RPL3L: variants seen among roughly 807,000 people sequenced by gnomAD.
RPL3L encodes the protein ribosomal protein L3 like.
In RPL3L, 44 loss-of-function variants were observed where a neutral mutation model predicts 44.5. The observed-to-expected ratio is 0.99, with a 90% CI of 0.78 to 1.27. RPL3L has a LOEUF of 1.27. RPL3L is among the 50% of genes most tolerant of loss of function. The pLI, the probability that RPL3L is intolerant of heterozygous loss-of-function variation, is 0.00. For synonymous variants in RPL3L, 292 were observed against 230.7 expected (o/e 1.27, Z -2.41); for missense variants, 631 against 569.1 (o/e 1.11, Z -1.11).
At chr16:1,946,600 G>A (rs1340116886) in intron 7 of RPL3L, 25 bp downstream of exon 7, 16 of 1,605,292 alleles carry the variant, frequency 1.0e-5, no homozygotes, top group Non-Finnish European at 1.4e-5. Context: ...TGATGGGCCT[G>A]GCAGTCGCCC....
intron 4 of RPL3L, 68 bp downstream of exon 4, chr16:1,950,776 C>G (rs917539316): frequency 1.9e-6 from 3 of 1,609,560 alleles, no homozygotes; most frequent in Non-Finnish European, 1.7e-6. Context: ...TTTGCCACAG[C>G]TCCTGGAAGC....
Position 1,947,037 on chromosome 16 carries a change from C to T in RPL3L, c.750G>A (p.Lys250=). The change falls in exon 6 of 10, where the codon AAG becomes AAA. Residue 250 remains lysine, a synonymous_variant. Coordinates refer to ENST00000268661, the MANE Select transcript of RPL3L (RefSeq NM_005061.3). ...LPRKTHKGLR[K]VACIGAWHPA... ...GGTGCCAGGCGCCAATGCAGGCCAC[C>T]TTGCGCAGGCCCTTATGGGTCTTCC... is the stretch of plus-strand genomic sequence containing the variant. The T allele has an allele frequency of 6.2e-7, 1 of 1,613,116 alleles. No individual in the cohort carries two copies. Among genetic ancestry groups the T allele is most frequent in the Non-Finnish European group, 8.5e-7 (1 of 1,179,918 alleles).
chr16:1,945,401 C>G (rs900359367), intron 9 of RPL3L, 98 bp downstream of exon 9: 2 of 1,382,988 alleles, frequency 1.4e-6, no homozygotes, highest in East Asian at 5.3e-5. Context: ...TGCAGTTGAG[C>G]TCAGGGGAGT....
At position 1,947,361 on chromosome 16, in the gene RPL3L, C is replaced by T. The variant is rs199748227; in HGVS notation, c.521G>A (p.Arg174Gln). 125 of 1,590,944 alleles carry T rather than the reference C, an allele frequency of 7.9e-5. No individual in the cohort carries two copies. Among genetic ancestry groups the T allele is most frequent in the Admixed American group, 7.3e-4 (42 of 57,534 alleles). Residue 174 changes from arginine (R) to glutamine (Q), a missense_variant, in exon 5 of 10, where the codon CGG (arginine) becomes CAG (glutamine). Arg to Gln is a conservative substitution (Grantham distance 43). Coordinates refer to ENST00000268661, the MANE Select transcript of RPL3L (RefSeq NM_005061.3). ...VHTQMKLLPF[R>Q]QKKAHIMEIQ... ...CTCCATGATGTGGGCCTTCTTCTGC[C>T]GGAAGGGCAGCAGTTTCATCTGCAG...
At chr16:1,946,449 T>C (rs1387881266) in intron 7 of RPL3L, among the ~76,000 whole-genome samples, 176 bp downstream of exon 7, 3 of 152,250 alleles carry the variant, frequency 2.0e-5, no homozygotes, top group Non-Finnish European at 2.9e-5. Flanking sequence ...CCAGTGTGCC[T>C]GGCGGGGCAG....
chr16:1,944,717 T>TG lies in RPL3L; in HGVS notation c.*119dup. The TG allele has an allele frequency of 8.0e-7, 1 of 1,251,950 alleles. No homozygotes were observed. The highest frequency in any genetic ancestry group is 1.2e-6 in the Non-Finnish European group (1 of 858,578). The allele number at this position is 1,251,950 out of a possible 1,614,324, so 77.6% of individuals were successfully genotyped here. ...GGCTTTGTCTAGGCAGCAGGCAAGG[T>TG]GAACCCCTTGGGCGGTTACACAGCG... On this transcript the variant is annotated 3_prime_UTR_variant, in exon 10 of 10. Transcript: ENST00000268661.
At chr16:1,952,252 G>A (rs1327632182) in intron 3 of RPL3L, among the ~76,000 whole-genome samples, 2 of 149,334 alleles carry the variant, frequency 1.3e-5, no homozygotes, top group East Asian at 2.0e-4. Context: ...TACTACAGTC[G>A]TGAGCCACCA....
intron 2 of RPL3L, 92 bp from the exon 3 acceptor site, chr16:1,953,134 G>T: frequency 7.3e-7 from 1 of 1,373,714 alleles, no homozygotes; most frequent in Middle Eastern, 1.9e-4. Context: ...GGCAGGACAG[G>T]AGAGTGTGGG....
intron 3 of RPL3L, 70 bp downstream of exon 3, chr16:1,952,798 AAGAGCT>A: frequency 6.5e-7 from 1 of 1,546,132 alleles, no homozygotes; most frequent in Admixed American, 1.8e-5. Context: ...TCATTTCAGC[AAGAGCT>A]AGAGCCTCAG....
In RPL3L at chr16:1,947,021, C is replaced by T. The variant is rs150384057; in HGVS notation, c.766G>A (p.Ala256Thr). Residue 256 changes from alanine (A) to threonine (T), a missense_variant, in exon 6 of 10, where the codon GCC becomes ACC. Physicochemically the swap from Ala to Thr is moderately conservative, Grantham distance 58 (BLOSUM62 0). Transcript: ENST00000268661. ...KGLRKVACIG[A>T]WHPARVGCSI... Reference sequence around the variant, plus strand: ...CAGCCCACGCGGGCGGGGTGCCAGGCGCCAATGCAGGCCACCTTGCGCAGG... The same window carrying T: ...CAGCCCACGCGGGCGGGGTGCCAGGTGCCAATGCAGGCCACCTTGCGCAGG... 147 of 1,612,494 alleles carry T rather than the reference C, an allele frequency of 9.1e-5. No individual in the cohort carries two copies. The highest frequency in any genetic ancestry group is 1.7e-4 in the Middle Eastern group (1 of 5,896).
intron 1 of RPL3L, among the ~76,000 whole-genome samples, chr16:1,954,419 T>C (rs559635943): frequency 1.7e-3 from 260 of 152,190 alleles, no homozygotes; most frequent in African/African-American, 5.9e-3. Context: ...CAAGGGCTCC[T>C]GGGGCAGGTG....
At chr16:1,946,583 A>T (rs373476540) in intron 7 of RPL3L, 42 bp downstream of exon 7, 91 of 1,588,844 alleles carry the variant, frequency 5.7e-5, no homozygotes, top group Non-Finnish European at 7.5e-5. Flanking sequence ...AGCCATCATC[A>T]GCGGTGTGAT....
Position 1,945,533 on chromosome 16 carries a change from C to T in RPL3L, c.1133G>A (p.Arg378His), listed in dbSNP as rs146128512. The change falls in exon 9 of 10, where the codon CGC becomes CAC. Residue 378 changes from arginine to histidine, a missense_variant. Transcript: ENST00000268661. ...CCTCTTCTCTTGGGCTGTCTGGAAG[C>T]GGCCATGGCCGAACTTGGAGGTGGT... ...IDTTSKFGHG[R>H]FQTAQEKRAF... is the part of the protein sequence containing the mutation. 3.8e-4 allele frequency: 617 copies of T among 1,613,534 alleles called. 1 individual carries two copies. The African/African-American group carries it at 7.3e-3, about 19-fold the overall frequency.
chr16:1,944,991 G>A, intron 9 of RPL3L, 98 bp from the exon 10 acceptor site: 1 of 1,458,138 alleles, frequency 6.9e-7, no homozygotes. Context: ...CGGCCCTACT[G>A]CCCCCCTAAG....
At position 1,944,579 on chromosome 16, in the gene RPL3L, T is replaced by C; in HGVS notation, c.*258A>G. The C allele has an allele frequency of 2.8e-6, 1 of 356,964 alleles. No individual in the cohort carries two copies. The highest frequency in any genetic ancestry group is 5.2e-6 in the Non-Finnish European group (1 of 192,498). 22.1% of individuals were successfully genotyped at this position (356,964 alleles called of 1,614,324 possible). A position where few individuals can be genotyped will look rare whatever the true frequency, so the allele number is the denominator to read the frequency against. On this transcript the variant is annotated 3_prime_UTR_variant, in exon 10 of 10. Coordinates refer to ENST00000268661, the MANE Select transcript of RPL3L (RefSeq NM_005061.3). ...AAAAAAAAAACCTCTGCTCCGCAAA[T>C]GCTCAAAGAGATCGATTTGAGTAAT...
At position 1,950,880 on chromosome 16, in the gene RPL3L, C is replaced by T. The variant is rs1567311189; in HGVS notation, c.465G>A (p.Lys155=). ...CAATGACCCGAATGACCTTGCAGTA[C>T]TTCTTCATGGCGGCGAAGTCCTTCT... ...QLQKDFAAMK[K]YCKVIRVIVH... The change falls in exon 4 of 10, where the codon AAG becomes AAA. Residue 155 remains lysine, a synonymous_variant. Transcript: ENST00000268661. The T allele has an allele frequency of 6.2e-7, 1 of 1,614,080 alleles. No homozygotes were observed. Among genetic ancestry groups the T allele is most frequent in the Non-Finnish European group, 8.5e-7 (1 of 1,179,976 alleles).
At position 1,946,675 on chromosome 16, in the gene RPL3L, T is replaced by G. The variant is rs767104948; in HGVS notation, c.901A>C (p.Asn301His). 8 of 1,612,756 alleles carry G rather than the reference T, an allele frequency of 5.0e-6. No homozygotes were observed. The East Asian group carries it at 1.3e-4, about 27-fold the overall frequency. The change falls in exon 7 of 10, where the codon AAC becomes CAC. Residue 301 changes from asparagine (N) to histidine (H), a missense_variant. Transcript: ENST00000268661. ...PHMEDGKLVK[N>H]NASTSYDVTA... ...ACGTCGTAGCTGGTGGATGCATTGTTCTTCACCAGCTTCCCGTCCTCCATG... is the reference window on the plus strand; with the variant it reads ...ACGTCGTAGCTGGTGGATGCATTGTGCTTCACCAGCTTCCCGTCCTCCATG...
At chr16:1,949,363 C>T (rs1214597933) in intron 4 of RPL3L, among the ~76,000 whole-genome samples, 3 of 138,280 alleles carry the variant, frequency 2.2e-5, no homozygotes, top group Non-Finnish European at 4.5e-5. Flanking sequence ...AAGTGATTCT[C>T]CTGCCTCAGT....
intron 4 of RPL3L, among the ~76,000 whole-genome samples, chr16:1,950,635 G>A (rs894527170): frequency 1.3e-5 from 2 of 152,174 alleles, no homozygotes; most frequent in Admixed American, 6.5e-5. Context: ...AGCCGGCGTG[G>A]CTGATGCCCC....
Sources: allele counts gnomAD v4.1 joint callset (sites outside exome capture counted in the v4.1 genomes callset), GRCh38; gene constraint gnomAD v4.1.1; transcripts MANE v1.5; gene names NCBI Gene and HGNC (gene_info 2026-07-23, HGNC 2026-07-21).